COL15A1: variants seen among roughly 807,000 people sequenced by gnomAD.
The protein encoded by COL15A1 is collagen alpha-1(XV) chain.
A neutral mutation model predicts 165.9 loss-of-function variants in COL15A1; 111 were observed. The ratio of observed to expected loss-of-function variants is 0.67; its 90% CI spans 0.57 to 0.78. The LOEUF (loss-of-function observed/expected upper bound fraction) is 0.78, where lower values mean the gene tolerates loss of function less well. Among genes scored for constraint, COL15A1 ranks in the 30% least tolerant of loss-of-function variants. The probability of loss-of-function intolerance (pLI) is 0.00; values close to 1 mark genes in which losing one functional copy is unlikely to be tolerated. For synonymous variants in COL15A1, 659 were observed against 674.8 expected, an observed-to-expected ratio of 0.98 and a Z score of 0.36; for missense variants, 1,745 against 1,789.7, an observed-to-expected ratio of 0.98 and a Z score of 0.45.
chr9:98,947,469 A>G (rs1837604634), intron 2 of COL15A1, among the ~76,000 whole-genome samples: 1 of 152,182 alleles, frequency 6.6e-6, no homozygotes, highest in African/African-American at 2.4e-5. Flanking sequence ...AAATTTACTA[A>G]AATAATCTAA....
intron 9 of COL15A1, among the ~76,000 whole-genome samples, chr9:99,011,630 C>T (rs1838849552): frequency 6.6e-6 from 1 of 151,968 alleles, no homozygotes; most frequent in African/African-American, 2.4e-5. Flanking sequence ...TTTTAAAAAA[C>T]ACACTTTTTT....
chr9:99,026,929 C>G (rs1326450890), intron 16 of COL15A1, among the ~76,000 whole-genome samples: 1 of 152,228 alleles, frequency 6.6e-6, no homozygotes, highest in Non-Finnish European at 1.5e-5. Flanking sequence ...GAACCTAGCA[C>G]AAGCCTCTAT....
chr9:99,056,519 C>A, intron 35 of COL15A1, 115 bp downstream of exon 35: 2 of 1,400,080 alleles, frequency 1.4e-6, no homozygotes, highest in Non-Finnish European at 1.9e-6. Flanking sequence ...TTCCTGGATA[C>A]CGCCTTCTTT....
intron 21 of COL15A1, among the ~76,000 whole-genome samples, chr9:99,037,055 T>C (rs1839314705): frequency 6.6e-6 from 1 of 152,210 alleles, no homozygotes; most frequent in Non-Finnish European, 1.5e-5. Context: ...GATGGCTCTT[T>C]GATAGTCTAT....
intron 2 of COL15A1, among the ~76,000 whole-genome samples, chr9:98,951,491 A>G (rs1216807522): frequency 6.6e-6 from 1 of 152,162 alleles, no homozygotes; most frequent in Non-Finnish European, 1.5e-5. Flanking sequence ...AGCTCACATC[A>G]AATCACTGGC....
At chr9:98,963,219 A>G (rs541681515) in intron 2 of COL15A1, among the ~76,000 whole-genome samples, 63 of 152,308 alleles carry the variant, frequency 4.1e-4, no homozygotes, top group Non-Finnish European at 8.2e-4. Flanking sequence ...ACAGTTCACC[A>G]TTTATGCACC....
Position 98,986,093 on chromosome 9 carries a change from C to G in COL15A1, c.629C>G (p.Thr210Arg). 6.2e-7 allele frequency: 1 copy of G among 1,613,404 alleles called. No individual in the cohort carries two copies. Among genetic ancestry groups the G allele is most frequent in the African/African-American group, 1.3e-5 (1 of 75,050 alleles). The change falls in exon 3 of 42, where the codon ACA becomes AGA. Residue 210 changes from threonine (T) to arginine (R), a missense_variant. By Grantham distance (71) the Thr-to-Arg change is moderately conservative. Transcript: ENST00000375001. ...AGIFMGNAGA[T>R]GLERFTGSLQ... ...ATCTTCATGGGCAATGCAGGAGCTACAGGGCTCGAGAGATTCACTGTGAGT... is the reference window on the plus strand; with the variant it reads ...ATCTTCATGGGCAATGCAGGAGCTAGAGGGCTCGAGAGATTCACTGTGAGT...
chr9:99,006,112 C>T (rs967275940), intron 9 of COL15A1, among the ~76,000 whole-genome samples: 7 of 152,174 alleles, frequency 4.6e-5, no homozygotes, highest in Admixed American at 2.0e-4. Flanking sequence ...CCCTTCTCTC[C>T]TCCTTTTAAT....
intron 2 of COL15A1, among the ~76,000 whole-genome samples, chr9:98,965,217 C>T (rs1306605109): frequency 6.6e-6 from 1 of 152,184 alleles, no homozygotes; most frequent in Non-Finnish European, 1.5e-5. Context: ...CAGCTAGAAC[C>T]TTCCTCAGGA....
intron 2 of COL15A1, among the ~76,000 whole-genome samples, chr9:98,948,888 G>A (rs957620791): frequency 6.6e-6 from 1 of 152,204 alleles, no homozygotes; most frequent in Non-Finnish European, 1.5e-5. Context: ...ATTCAGAAAA[G>A]TGCATGCTAA....
chr9:98,965,828 C>T (rs1316495217), intron 2 of COL15A1, among the ~76,000 whole-genome samples: 3 of 152,202 alleles, frequency 2.0e-5, no homozygotes, highest in Non-Finnish European at 4.4e-5. Context: ...TCACCTGTAT[C>T]TGGGCCCCGT....
At chr9:98,988,092 T>A (rs1252672064) in intron 4 of COL15A1, among the ~76,000 whole-genome samples, 1 of 151,208 alleles carries the variant, frequency 6.6e-6, no homozygotes, top group Admixed American at 6.6e-5. Context: ...CAGGATGCAG[T>A]CAGAGGTGAG....
At chr9:99,044,484 C>A in intron 24 of COL15A1, 84 bp from the exon 25 acceptor site, 2 of 1,243,276 alleles carry the variant, frequency 1.6e-6, no homozygotes, top group Non-Finnish European at 1.2e-6. Flanking sequence ...TACAAGGTGG[C>A]AAGGAGGAGT....
intron 12 of COL15A1, among the ~76,000 whole-genome samples, chr9:99,021,176 G>A (rs1839021369): frequency 6.6e-6 from 1 of 152,152 alleles, no homozygotes; most frequent in Non-Finnish European, 1.5e-5. Context: ...CCATGACCCT[G>A]GTCCTCTGCC....
In COL15A1 at chr9:99,016,039, G is replaced by A. The variant is rs751580096; in HGVS notation, c.1567G>A (p.Gly523Ser). 2.0e-5 allele frequency: 33 copies of A among 1,613,954 alleles called. No homozygotes were observed. In the Admixed American group the frequency reaches 4.8e-4, roughly 24 times the overall value. Residue 523 changes from glycine to serine, a missense_variant, in exon 11 of 42, where the codon GGT becomes AGT. Coordinates refer to ENST00000375001, the MANE Select transcript of COL15A1 (RefSeq NM_001855.5). ...AGAGGAGCCCCTCATCACAGCTGGG[G>A]GTGAAGAGTCCGGCAGCCCTCCCCC... is the stretch of plus-strand genomic sequence containing the variant. ...TTEEPLITAG[G>S]EESGSPPPDG... is the part of the protein sequence containing the mutation.
chr9:98,945,425 C>T (rs564868394), intron 2 of COL15A1, among the ~76,000 whole-genome samples: 1 of 152,320 alleles, frequency 6.6e-6, no homozygotes, highest in Non-Finnish European at 1.5e-5. Flanking sequence ...AAGAGCCATG[C>T]TTTCTATAGC....
At chr9:99,056,021 C>G (rs562893201) in intron 34 of COL15A1, among the ~76,000 whole-genome samples, 11 of 152,338 alleles carry the variant, frequency 7.2e-5, no homozygotes, top group Admixed American at 5.9e-4. Context: ...ACTAGATGAT[C>G]TCCAAGGTCC....
chr9:98,954,171 T>C (rs1299438896), intron 2 of COL15A1, among the ~76,000 whole-genome samples: 2 of 152,200 alleles, frequency 1.3e-5, no homozygotes, highest in African/African-American at 2.4e-5. Flanking sequence ...CACCAGGAGA[T>C]GGGAGAGGCA....
At chr9:99,028,479 C>T (rs1013872002) in intron 16 of COL15A1, among the ~76,000 whole-genome samples, 3 of 151,922 alleles carry the variant, frequency 2.0e-5, no homozygotes, top group African/African-American at 4.8e-5. Flanking sequence ...GGTGGAACTT[C>T]GTCTCTACTA....
Sources: allele counts gnomAD v4.1 joint callset (sites outside exome capture counted in the v4.1 genomes callset), GRCh38; gene constraint gnomAD v4.1.1; transcripts MANE v1.5; gene names NCBI Gene and HGNC (gene_info 2026-07-23, HGNC 2026-07-21).